DNAH12: variants seen among roughly 807,000 people sequenced by gnomAD.
DNAH12 encodes axonemal beta dynein heavy chain 12.
A neutral mutation model predicts 371.5 loss-of-function variants in DNAH12; 285 were observed. That is an observed-to-expected ratio of 0.77 (90% CI 0.70 to 0.85). The LOEUF is 0.85. Ranked by LOEUF, DNAH12 falls within the 40% of genes least tolerant of loss-of-function variation. The pLI is 0.00. For synonymous variants in DNAH12, 1,200 were observed against 1,213.0 expected, an observed-to-expected ratio of 0.99 and a Z score of 0.22; for missense variants, 3,611 against 3,689.4, an observed-to-expected ratio of 0.98 and a Z score of 0.55.
Position 57,323,168 on chromosome 3 carries a change from T to A in DNAH12, c.10222A>T (p.Met3408Leu), listed in dbSNP as rs2061847074. ...GQGQGPIAAK[M>L]IKAAIEEGTW... ...CCTTCTTCAATTGCTGCTTTAATCA[T>A]TTTTGCTGCAATCGGTCCTTGTCCC... is the stretch of plus-strand genomic sequence containing the variant. Residue 3408 changes from methionine (M) to leucine (L), a missense_variant, in exon 64 of 74, where the codon ATG (methionine) becomes TTG (leucine). By Grantham distance (15) the Met-to-Leu change is conservative (BLOSUM62 2). This residue lies in a region of DNAH12 where 2,266 missense variants were observed against 2,236.9 expected (regional missense o/e 1.01). Transcript: ENST00000495027. The A allele has an allele frequency of 1.3e-6, 2 of 1,552,430 alleles. No individual in the cohort carries two copies. Among genetic ancestry groups the A allele is most frequent in the East Asian group, 4.9e-5 (2 of 40,922 alleles).
At chr3:57,435,390 A>AAAG (rs2153366955) in intron 30 of DNAH12, among the ~76,000 whole-genome samples, 1 of 151,386 alleles carries the variant, frequency 6.6e-6, no homozygotes, top group African/African-American at 2.4e-5. Flanking sequence ...AAAAAAAAAA[A>AAAG]AAGAATATAA....
chr3:57,405,800 C>G lies in DNAH12; in HGVS notation c.6429G>C (p.Val2143=). The part of the protein sequence containing the change: ...ANKHTMIRLF[V]HEVLRVFYDR... ...CATAAAACACTCGGAGAACCTCATG[C>G]ACAAACAGACGGATCATAGTGTGTT... The change falls in exon 41 of 74, where the codon GTG becomes GTC. Residue 2143 remains valine (V), a synonymous_variant. Coordinates refer to ENST00000495027, the MANE Select transcript of DNAH12 (RefSeq NM_001366028.2). The G allele has an allele frequency of 6.4e-7, 1 of 1,551,582 alleles. No homozygotes were observed. The highest frequency in any genetic ancestry group is 8.7e-7 in the Non-Finnish European group (1 of 1,146,982).
chr3:57,498,513 T>C, intron 11 of DNAH12: 1 of 716,002 alleles, frequency 1.4e-6, no homozygotes, highest in Non-Finnish European at 2.6e-6. Flanking sequence ...AAAATACACT[T>C]CCCATACCAC....
intron 29 of DNAH12, among the ~76,000 whole-genome samples, chr3:57,438,013 A>G (rs1420046457): frequency 6.6e-6 from 1 of 152,204 alleles, no homozygotes; most frequent in Non-Finnish European, 1.5e-5. Context: ...TTCTGCAGGA[A>G]AATAATACCA....
chr3:57,503,450 G>A (rs967757867), intron 9 of DNAH12, among the ~76,000 whole-genome samples: 1 of 151,540 alleles, frequency 6.6e-6, no homozygotes, highest in African/African-American at 2.4e-5. Flanking sequence ...GTGCAGTGGG[G>A]TGATCTTGGC....
chr3:57,404,578 G>C (rs1553680346), intron 42 of DNAH12, among the ~76,000 whole-genome samples: 2 of 152,026 alleles, frequency 1.3e-5, no homozygotes, highest in Admixed American at 6.6e-5. Flanking sequence ...AAATTAGCCA[G>C]GCATGCCGGC....
intron 35 of DNAH12, among the ~76,000 whole-genome samples, 196 bp from the exon 36 acceptor site, chr3:57,421,902 CTTTTTTTTT>C (rs368757579): frequency 1.0e-5 from 1 of 98,548 alleles, no homozygotes; most frequent in Non-Finnish European, 2.0e-5. Flanking sequence ...GTTTGCATGT[CTTTTTTTTT>C]TTTTTTTTTT....
chr3:57,421,753 C>T (rs1208571052), intron 35 of DNAH12, 47 bp from the exon 36 acceptor site: 1 of 1,546,612 alleles, frequency 6.5e-7, no homozygotes, highest in South Asian at 1.2e-5. Context: ...TTTTAAAAGG[C>T]ATTTTAGGAG....
Position 57,403,357 on chromosome 3 carries a change from T to C in DNAH12, c.6900A>G (p.Pro2300=). ...TSMAKMHIFQ[P]EISKSYGMNE... Reference sequence around the variant, plus strand: ...TCATACCATAGCTCTTAGAAATTTCTGGTTGGAAAATATGCATTTTTGCCA... The same window carrying C: ...TCATACCATAGCTCTTAGAAATTTCCGGTTGGAAAATATGCATTTTTGCCA... Residue 2300 remains proline, a synonymous_variant, in exon 43 of 74, where the codon CCA becomes CCG. Coordinates refer to ENST00000495027, the MANE Select transcript of DNAH12 (RefSeq NM_001366028.2). The C allele has an allele frequency of 6.4e-7, 1 of 1,551,282 alleles. No individual in the cohort carries two copies. The highest frequency in any genetic ancestry group is 8.7e-7 in the Non-Finnish European group (1 of 1,146,812).
chr3:57,398,953 C>T (rs1268338844), intron 43 of DNAH12, among the ~76,000 whole-genome samples: 3 of 151,984 alleles, frequency 2.0e-5, no homozygotes, highest in Admixed American at 1.3e-4. Flanking sequence ...TTCTAAAAAA[C>T]AAAAACATGC....
At chr3:57,400,885 C>T (rs896727812) in intron 43 of DNAH12, among the ~76,000 whole-genome samples, 6 of 152,178 alleles carry the variant, frequency 3.9e-5, no homozygotes, top group Non-Finnish European at 8.8e-5. Flanking sequence ...ATTTACCAAA[C>T]ACTCCATCCA....
intron 60 of DNAH12, among the ~76,000 whole-genome samples, chr3:57,351,864 C>G (rs1347353418): frequency 6.6e-6 from 1 of 152,090 alleles, no homozygotes; most frequent in Non-Finnish European, 1.5e-5. Context: ...ATTTGTTGAA[C>G]TGTACATTAA....
At chr3:57,433,532 A>G (rs773426139) in intron 31 of DNAH12, 25 bp from the exon 32 acceptor site, 2 of 1,543,080 alleles carry the variant, frequency 1.3e-6, no homozygotes, top group Non-Finnish European at 1.7e-6. Context: ...AAAGAATTAA[A>G]AAGCTCTCCT....
At chr3:57,354,090 T>C (rs2062742629) in intron 59 of DNAH12, among the ~76,000 whole-genome samples, 2 of 152,146 alleles carry the variant, frequency 1.3e-5, no homozygotes, top group Non-Finnish European at 2.9e-5. Flanking sequence ...CACAGTACTA[T>C]TCACAATAGC....
At chr3:57,448,914 A>G (rs2065642870) in intron 25 of DNAH12, among the ~76,000 whole-genome samples, 1 of 127,102 alleles carries the variant, frequency 7.9e-6, no homozygotes, top group Non-Finnish European at 1.7e-5. Context: ...CTTGAGCTAG[A>G]TACAGAGTGC....
intron 60 of DNAH12, 36 bp from the exon 61 acceptor site, chr3:57,334,976 T>G (rs767329086): frequency 9.9e-6 from 15 of 1,518,320 alleles, no homozygotes; most frequent in Non-Finnish European, 1.3e-5. Flanking sequence ...ATATAATTGT[T>G]GATTTTAAAA....
chr3:57,296,788 C>T (rs1321938177), intron 71 of DNAH12, 59 bp downstream of exon 71: 2 of 1,511,396 alleles, frequency 1.3e-6, no homozygotes, highest in South Asian at 1.3e-5. Flanking sequence ...TACATAAACT[C>T]GGTTTAAATA....
At chr3:57,484,726 A>C (rs1249562996) in intron 12 of DNAH12, among the ~76,000 whole-genome samples, 1 of 152,220 alleles carries the variant, frequency 6.6e-6, no homozygotes, top group Non-Finnish European at 1.5e-5. Flanking sequence ...GCACAGCAAA[A>C]GAAATAATCA....
chr3:57,316,354 C>T (rs2061686006), intron 65 of DNAH12, among the ~76,000 whole-genome samples: 1 of 152,140 alleles, frequency 6.6e-6, no homozygotes, highest in East Asian at 1.9e-4. Context: ...TTATTTCCTA[C>T]CAGTTTAGCC....
Sources: gnomAD v4.1 joint callset for allele counts (sites outside exome capture counted in the v4.1 genomes callset) on GRCh38, gnomAD v4.1.1 for gene constraint, gnomAD v4.1.1 regional missense constraint, MANE v1.5 for transcripts, NCBI Gene and HGNC (gene_info 2026-07-23, HGNC 2026-07-21) for gene names.